Variants in SIAH1 observed in about 807,000 individuals in gnomAD.
SIAH1 encodes the protein E3 ubiquitin-protein ligase SIAH1.
SIAH1 carries 2 observed loss-of-function variants against 20.0 expected under a neutral mutation model. The observed-to-expected ratio is 0.10, with a 90% CI of 0.04 to 0.31. The LOEUF is 0.31. Among genes scored for constraint, SIAH1 ranks in the 10% least tolerant of loss-of-function variants. SIAH1 has a pLI of 1.00. For missense variants in SIAH1, 119 were observed against 355.3 expected (o/e 0.33, Z 5.35); for synonymous variants, 118 against 125.3 (o/e 0.94, Z 0.39).
At position 48,362,342 on chromosome 16, in the gene SIAH1, A is replaced by G. The variant is rs765807881; in HGVS notation, c.87T>C (p.Thr29=). The G allele has an allele frequency of 8.1e-6, 13 of 1,614,246 alleles. No individual in the cohort carries two copies. The highest frequency in any genetic ancestry group is 1.1e-5 in the Non-Finnish European group (13 of 1,180,048). ...SQRVPALTGT[T]ASNNDLASLF... is the part of the protein sequence containing the mutation. The stretch of plus-strand genomic sequence containing the variant: ...GACTCGCCAAGTCATTGTTGGATGC[A>G]GTTGTGCCAGTCAGGGCAGGCACCC... The change falls in exon 2 of 2, where the codon ACT becomes ACC. Residue 29 remains threonine, a synonymous_variant. Transcript: ENST00000394725. This position sits in a 1 kb window ranked among gnomAD's most constrained non-coding sequence, Gnocchi z 4.2.
At chr16:48,375,140 C>T (rs1199153936) in intron 1 of SIAH1, among the ~76,000 whole-genome samples, 1 of 152,178 alleles carries the variant, frequency 6.6e-6, no homozygotes, top group Non-Finnish European at 1.5e-5. Flanking sequence ...CACAGTGAGA[C>T]TCTAAAAAGT....
chr16:48,370,290 T>G (rs867878088), intron 1 of SIAH1, among the ~76,000 whole-genome samples: 1 of 152,184 alleles, frequency 6.6e-6, no homozygotes, highest in African/African-American at 2.4e-5. Flanking sequence ...CTATATAAAT[T>G]TTCATGCTTA....
intron 1 of SIAH1, among the ~76,000 whole-genome samples, chr16:48,370,928 A>G (rs1265912805): frequency 6.6e-6 from 1 of 152,102 alleles, no homozygotes; most frequent in East Asian, 1.9e-4. Context: ...AGCCTGGCCA[A>G]CGTGGTAAAA....
intron 1 of SIAH1, among the ~76,000 whole-genome samples, chr16:48,377,523 G>T (rs1205513679): frequency 6.6e-6 from 1 of 151,604 alleles, no homozygotes; most frequent in Non-Finnish European, 1.5e-5. Flanking sequence ...CGAGTAGCTG[G>T]AATTACAGGG....
At chr16:48,371,667 A>G (rs941771971) in intron 1 of SIAH1, among the ~76,000 whole-genome samples, 1 of 152,224 alleles carries the variant, frequency 6.6e-6, no homozygotes, top group African/African-American at 2.4e-5. Context: ...TAACCTTAAA[A>G]CTTTTTAGCA....
At chr16:48,383,349 A>G (rs1961347711) in intron 1 of SIAH1, among the ~76,000 whole-genome samples, 1 of 152,296 alleles carries the variant, frequency 6.6e-6, no homozygotes, top group East Asian at 1.9e-4. Context: ...CTACACAACC[A>G]ATTTGTGTAA....
chr16:48,369,616 G>A (rs1366582217), intron 1 of SIAH1, among the ~76,000 whole-genome samples: 3 of 151,992 alleles, frequency 2.0e-5, no homozygotes, highest in South Asian at 2.1e-4. Flanking sequence ...GGTGGCATCC[G>A]CTGTAGAGCC....
intron 1 of SIAH1, chr16:48,365,975 GGCCA>G (rs1960822341): frequency 9.3e-7 from 1 of 1,075,204 alleles, no homozygotes; most frequent in African/African-American, 1.6e-5. Flanking sequence ...GGGGCGCCAG[GGCCA>G]GTTCAGGGCG....
chr16:48,382,869 C>T (rs989443360), intron 1 of SIAH1, among the ~76,000 whole-genome samples: 79 of 152,254 alleles, frequency 5.2e-4, no homozygotes, highest in African/African-American at 1.9e-3. Flanking sequence ...AACTTTGTTA[C>T]CCTAGTTATG....
chr16:48,381,992 C>G (rs1961307107), intron 1 of SIAH1, among the ~76,000 whole-genome samples: 1 of 152,024 alleles, frequency 6.6e-6, no homozygotes, highest in Non-Finnish European at 1.5e-5. Context: ...CTCTTCTACT[C>G]AAGTTGCTAT....
intron 1 of SIAH1, among the ~76,000 whole-genome samples, chr16:48,374,649 A>C (rs1186806707): frequency 1.3e-5 from 2 of 152,202 alleles, no homozygotes; most frequent in African/African-American, 4.8e-5. Flanking sequence ...CATCCAAACA[A>C]CCTGATGGAA....
chr16:48,380,442 C>T (rs1256439023), intron 1 of SIAH1, among the ~76,000 whole-genome samples: 2 of 151,450 alleles, frequency 1.3e-5, no homozygotes, highest in African/African-American at 4.9e-5. Context: ...AAGAGTAAGA[C>T]TCTGTCTCCA....
chr16:48,370,547 G>A (rs28378550), intron 1 of SIAH1, among the ~76,000 whole-genome samples: 26,839 of 152,042 alleles, frequency 0.18, 2,677 homozygotes, highest in Middle Eastern at 0.27. Flanking sequence ...GGCTGGGCGC[G>A]GTGGCTCGTG....
chr16:48,379,490 C>G (rs150391715), intron 1 of SIAH1, among the ~76,000 whole-genome samples: 1 of 152,314 alleles, frequency 6.6e-6, no homozygotes, highest in African/African-American at 2.4e-5. Context: ...GTAAGAAACA[C>G]TATGCCTTGG....
Position 48,380,928 on chromosome 16 carries a change from C to CAAAAAAAAAAAAAAAAAA in SIAH1, c.-3+4275_-3+4276insTTTTTTTTTTTTTTTTTT, listed in dbSNP as rs59376248. ...TGGGCGACAGAGTGAGACTCCGTCT[C>CAAAAAAAAAAAAAAAAAA]AAAAAAAAAAAAAAAAAGAACGGCT... is the stretch of plus-strand genomic sequence containing the variant. On this transcript the variant is annotated intron_variant, in intron 1 of 1. Transcript: ENST00000394725. Among the ~76,000 whole-genome samples the CAAAAAAAAAAAAAAAAAA allele has an allele frequency of 6.2e-3, 278 of 44,870 alleles. 43 individuals carry two copies. The highest frequency in any genetic ancestry group is 0.043 in the Middle Eastern group (2 of 46). 29.4% of individuals were successfully genotyped at this position (44,870 alleles called of 152,430 possible). A position where few individuals can be genotyped will look rare whatever the true frequency, so the allele number is the denominator to read the frequency against.
intron 1 of SIAH1, among the ~76,000 whole-genome samples, chr16:48,375,186 T>C (rs1369522575): frequency 2.0e-5 from 3 of 152,298 alleles, no homozygotes; most frequent in South Asian, 2.1e-4. Flanking sequence ...TGAGTGTGTA[T>C]GGATGCCTGT....
At chr16:48,376,378 CTTTT>C (rs974733709) in intron 1 of SIAH1, among the ~76,000 whole-genome samples, 1 of 152,130 alleles carries the variant, frequency 6.6e-6, no homozygotes, top group Non-Finnish European at 1.5e-5. Context: ...CTTGCTTTCA[CTTTT>C]TTTCTCAAAA....
At chr16:48,369,723 G>C (rs1397628697) in intron 1 of SIAH1, among the ~76,000 whole-genome samples, 1 of 152,180 alleles carries the variant, frequency 6.6e-6, no homozygotes, top group Non-Finnish European at 1.5e-5. Context: ...CCCTGTCTGG[G>C]AAAGAATAAA....
At chr16:48,375,647 A>C (rs1328931791) in intron 1 of SIAH1, among the ~76,000 whole-genome samples, 1 of 152,210 alleles carries the variant, frequency 6.6e-6, no homozygotes, top group Non-Finnish European at 1.5e-5. Context: ...TCAAAAAAAA[A>C]CAAAAAACAA....
Sources: gnomAD v4.1 joint callset for allele counts (sites outside exome capture counted in the v4.1 genomes callset) on GRCh38, gnomAD v4.1.1 for gene constraint, Gnocchi (gnomAD v3.1) non-coding constraint, MANE v1.5 for transcripts, NCBI Gene and HGNC (gene_info 2026-07-23, HGNC 2026-07-21) for gene names.